BABAM2: variants seen among roughly 807,000 people sequenced by gnomAD.
BABAM2 encodes BRISC and BRCA1 A complex member 2, also known as BRISC and BRCA1-A complex member 2.
Under a neutral mutation model 54.7 loss-of-function variants are expected in BABAM2, and 31 were observed. That is an observed-to-expected ratio of 0.57 (90% CI 0.43 to 0.77). The LOEUF (loss-of-function observed/expected upper bound fraction) is 0.77, where lower values mean the gene tolerates loss of function less well. BABAM2 is among the 30% of genes least tolerant of loss of function. BABAM2 has a pLI of 0.00. For missense variants in BABAM2, 364 were observed against 455.8 expected (o/e 0.80, Z 1.83); for synonymous variants, 167 against 162.9 (o/e 1.03, Z -0.19).
At chr2:27,890,325 G>C (rs1664711070), upstream of BABAM2, 9 of 1,613,674 alleles carry the variant, frequency 5.6e-6, no homozygotes, top group South Asian at 2.2e-5. The surrounding 1 kb of genome is among the most constrained non-coding windows in gnomAD (Gnocchi z 4.8). Flanking sequence ...ACTGCCTCTG[G>C]GGTTCCCCAG....
intron 4 of BABAM2, among the ~76,000 whole-genome samples, chr2:28,004,456 G>A (rs544728611): frequency 2.6e-5 from 4 of 152,192 alleles, no homozygotes; most frequent in Admixed American, 2.6e-4. Context: ...ACAGTTTCTT[G>A]AATCTGTTTC....
At chr2:28,112,894 A>G (rs547769168) in intron 6 of BABAM2, among the ~76,000 whole-genome samples, 6 of 152,276 alleles carry the variant, frequency 3.9e-5, no homozygotes, top group South Asian at 4.1e-4. Flanking sequence ...AATGATTGCC[A>G]TTCTAACTGG....
chr2:28,161,661 C>T lies in BABAM2; in HGVS notation c.680+32281C>T, dbSNP rs144825942. Among the ~76,000 whole-genome samples, 1,253 of 152,246 alleles carry T rather than the reference C, an allele frequency of 8.2e-3. 16 individuals are homozygous for T. Among genetic ancestry groups the T allele is most frequent in the African/African-American group, 0.029 (1,198 of 41,536 alleles). On this transcript the variant is annotated intron_variant, in intron 7 of 11. Coordinates refer to ENST00000379624, the MANE Select transcript of BABAM2 (RefSeq NM_199191.3). ...AAACCCCTTGGGCAATGCTGAGGCC[C>T]TGCATTCCTAATACAAAAGGGAGCG...
intron 5 of BABAM2, among the ~76,000 whole-genome samples, chr2:28,034,424 T>C (rs1676513611): frequency 6.6e-6 from 1 of 152,218 alleles, no homozygotes; most frequent in Non-Finnish European, 1.5e-5. Context: ...AGTGTTATTA[T>C]TACTATTAGC....
intron 3 of BABAM2, among the ~76,000 whole-genome samples, chr2:27,939,577 T>C (rs561337235): frequency 2.0e-5 from 3 of 152,368 alleles, no homozygotes; most frequent in Non-Finnish European, 4.4e-5. Flanking sequence ...TTATTTATTA[T>C]ACAAGGAATT....
intron 11 of BABAM2, among the ~76,000 whole-genome samples, chr2:28,311,209 C>T (rs1379697414): frequency 1.3e-5 from 2 of 149,912 alleles, no homozygotes; most frequent in African/African-American, 2.5e-5. Context: ...TGCAGTGAGC[C>T]GAGATCGCGC....
At chr2:28,252,911 T>C (rs974888528) in intron 10 of BABAM2, among the ~76,000 whole-genome samples, 25 of 152,256 alleles carry the variant, frequency 1.6e-4, no homozygotes, top group Non-Finnish European at 8.8e-5. Flanking sequence ...TTAACAACTG[T>C]AACTCAAGAA....
chr2:28,305,860 T>G (rs1312337736), intron 11 of BABAM2, among the ~76,000 whole-genome samples: 1 of 152,140 alleles, frequency 6.6e-6, no homozygotes, highest in Non-Finnish European at 1.5e-5. Context: ...TCCTTTTTTC[T>G]TTTTTAATAT....
Position 28,242,103 on chromosome 2 carries a change from A to G in BABAM2, c.851+710A>G, listed in dbSNP as rs749956837. On this transcript the variant is annotated intron_variant, in intron 9 of 11. Transcript: ENST00000379624. ...TTGAAGAAGCTCTGAAATTGCGGTA[A>G]GTTCAGTAACCCAATGGAAGTCGCG... is the stretch of plus-strand genomic sequence containing the variant. Among the ~76,000 whole-genome samples, 30 of 152,246 alleles carry G rather than the reference A, an allele frequency of 2.0e-4. 1 individual carries two copies. Among genetic ancestry groups the G allele is most frequent in the Middle Eastern group, 3.4e-3 (1 of 294 alleles).
At chr2:28,186,474 T>A (rs761575786) in intron 7 of BABAM2, among the ~76,000 whole-genome samples, 3 of 152,020 alleles carry the variant, frequency 2.0e-5, no homozygotes, top group Non-Finnish European at 2.9e-5. Context: ...GAGAAGTACA[T>A]TCTAAAGAAG....
At chr2:27,954,907 C>T (rs1027449680) in intron 3 of BABAM2, among the ~76,000 whole-genome samples, 1 of 152,070 alleles carries the variant, frequency 6.6e-6, no homozygotes, top group Non-Finnish European at 1.5e-5. Context: ...TCAGTGGGCT[C>T]GTGGCTGAGA....
intron 7 of BABAM2, among the ~76,000 whole-genome samples, chr2:28,173,826 A>G (rs1238006374): frequency 1.3e-5 from 2 of 152,248 alleles, no homozygotes; most frequent in African/African-American, 4.8e-5. Context: ...AAGTCCTGAT[A>G]GCTTAAAGCA....
chr2:28,087,555 T>C (rs1665766642), intron 6 of BABAM2, among the ~76,000 whole-genome samples: 1 of 152,164 alleles, frequency 6.6e-6, no homozygotes, highest in African/African-American at 2.4e-5. Context: ...TCTCACCGTT[T>C]TGCAAGCTTA....
At chr2:28,002,099 A>C (rs1199608046) in intron 4 of BABAM2, among the ~76,000 whole-genome samples, 1 of 151,922 alleles carries the variant, frequency 6.6e-6, no homozygotes, top group African/African-American at 2.4e-5. Context: ...TTCATATAAC[A>C]GTAAAGACCA....
rs148658008 is a variant in BABAM2 at position 28,243,570 on chromosome 2, AG to A, written c.852-1209del. Among the ~76,000 whole-genome samples the A allele has an allele frequency of 5.7e-3, 858 of 151,164 alleles. 6 individuals carry two copies. The highest frequency in any genetic ancestry group is 0.02 in the African/African-American group (809 of 41,164). On this transcript the variant is annotated intron_variant, in intron 9 of 11. Coordinates refer to ENST00000379624, the MANE Select transcript of BABAM2 (RefSeq NM_199191.3). ...AATTAAAAAAAAATTAGCCGGGCAT[AG>A]TGGCAGGTGCCTGTAATCCCAGCTA...
upstream of BABAM2, among the ~76,000 whole-genome samples, chr2:27,889,017 G>T (rs1354626387): frequency 6.6e-6 from 1 of 152,146 alleles, no homozygotes; most frequent in East Asian, 1.9e-4. Context: ...AAAAATAAAG[G>T]TCATTGGTAT....
At chr2:27,941,424 C>T (rs536887708) in intron 3 of BABAM2, among the ~76,000 whole-genome samples, 8 of 151,974 alleles carry the variant, frequency 5.3e-5, no homozygotes, top group South Asian at 2.1e-4. Context: ...GGTGTGGTGG[C>T]GGGTGCCTGT....
intron 7 of BABAM2, among the ~76,000 whole-genome samples, chr2:28,185,449 C>T (rs1236828252): frequency 6.6e-6 from 1 of 152,148 alleles, no homozygotes; most frequent in Non-Finnish European, 1.5e-5. Flanking sequence ...CCAGATTGCA[C>T]GTCTGCCAGA....
intron 2 of BABAM2, among the ~76,000 whole-genome samples, chr2:27,907,907 T>C (rs1377397088): frequency 6.6e-6 from 1 of 152,234 alleles, no homozygotes; most frequent in African/African-American, 2.4e-5. Context: ...CGCACTTTGT[T>C]TATCCATTCA....
Sources: allele counts gnomAD v4.1 joint callset (sites outside exome capture counted in the v4.1 genomes callset), GRCh38; gene constraint gnomAD v4.1.1; non-coding constraint Gnocchi (gnomAD v3.1); transcripts MANE v1.5; gene names NCBI Gene and HGNC (gene_info 2026-07-23, HGNC 2026-07-21).